The following DDX43 variants were observed in gnomAD, a reference collection of about 807,000 sequenced individuals.
DDX43 encodes probable ATP-dependent RNA helicase DDX43.
DDX43 carries 50 observed loss-of-function variants against 84.9 expected under a neutral mutation model. The observed-to-expected ratio is 0.59, with a 90% CI of 0.47 to 0.75. The LOEUF (loss-of-function observed/expected upper bound fraction) is 0.75, where lower values mean the gene tolerates loss of function less well. Ranked by LOEUF, DDX43 falls within the 30% of genes least tolerant of loss-of-function variation. DDX43 has a pLI of 0.00. For missense variants in DDX43, 689 were observed against 798.6 expected (o/e 0.86, Z 1.65); for synonymous variants, 291 against 266.3 (o/e 1.09, Z -0.90).
Position 73,412,638 on chromosome 6 carries a change from A to AGTGTGTGTGT in DDX43, c.1368+368_1368+377dup, listed in dbSNP as rs66577187. 2.8e-3 allele frequency among the ~76,000 whole-genome samples: 169 copies of AGTGTGTGTGT among 59,678 alleles called. 3 individuals carry two copies. Among genetic ancestry groups the AGTGTGTGTGT allele is most frequent in the South Asian group, 0.013 (21 of 1,624 alleles). 39.2% of individuals were successfully genotyped at this position (59,678 alleles called of 152,430 possible). A position where few individuals can be genotyped will look rare whatever the true frequency, so the allele number is the denominator to read the frequency against. ...CTGGGTTCAAGTGATATATATATAT[A>AGTGTGTGTGT]GTGTGTGTGTGTGTGTGTGTGTGTG... On this transcript the variant is annotated intron_variant, in intron 11 of 16. Transcript: ENST00000370336.
At chr6:73,402,126 C>A in intron 4 of DDX43, 136 bp downstream of exon 4, 1 of 1,092,812 alleles carries the variant, frequency 9.2e-7, no homozygotes, top group Non-Finnish European at 1.3e-6. Flanking sequence ...TGCAATTAGT[C>A]CCTAGGTTAT....
chr6:73,413,413 A>C, intron 11 of DDX43: 1 of 276,252 alleles, frequency 3.6e-6, no homozygotes, highest in Non-Finnish European at 6.8e-6. Flanking sequence ...AAATAAATGA[A>C]ATAAAATGAT....
At chr6:73,395,617 T>TAAAAA (rs760280152) in intron 1 of DDX43, among the ~76,000 whole-genome samples, 1 of 133,620 alleles carries the variant, frequency 7.5e-6, no homozygotes, top group African/African-American at 2.7e-5. Context: ...CCGTCTCAAT[T>TAAAAA]AAAAAAAAAA....
Position 73,415,526 on chromosome 6 carries a change from C to T in DDX43, c.1775C>T (p.Thr592Ile). ...GRTGVSITTL[T>I]RNDWRVASEL... ...ACTGGTGTTTCCATTACAACTTTGA[C>T]TAGAAATGATTGGAGGGTTGCCTCT... is the stretch of plus-strand genomic sequence containing the variant. The change falls in exon 15 of 17, where the codon ACT becomes ATT. Residue 592 changes from threonine to isoleucine, a missense_variant. This residue lies in a region of DDX43 where 552 missense variants were observed against 692.7 expected (regional missense o/e 0.80). Coordinates refer to ENST00000370336, the MANE Select transcript of DDX43 (RefSeq NM_018665.3). 1 of 1,613,270 alleles carries T rather than the reference C, an allele frequency of 6.2e-7. No individual in the cohort carries two copies. The highest frequency in any genetic ancestry group is 8.5e-7 in the Non-Finnish European group (1 of 1,179,464).
At chr6:73,402,104 A>C in intron 4 of DDX43, 114 bp downstream of exon 4, 1 of 1,366,320 alleles carries the variant, frequency 7.3e-7, no homozygotes, top group Non-Finnish European at 1.0e-6. Context: ...AAAATAGTAA[A>C]ATCTAAAATG....
chr6:73,415,451 A>G (rs1769883901), intron 14 of DDX43, 46 bp from the exon 15 acceptor site: 15 of 1,355,184 alleles, frequency 1.1e-5, no homozygotes, highest in Non-Finnish European at 1.5e-5. Context: ...CTTATTCTGT[A>G]TTAACTGAAT....
chr6:73,397,614 G>T, intron 1 of DDX43, 75 bp from the exon 2 acceptor site: 1 of 1,199,552 alleles, frequency 8.3e-7, no homozygotes, highest in Non-Finnish European at 1.2e-6. Flanking sequence ...GAGAATGTTT[G>T]TTGAGGAAAA....
At chr6:73,398,008 T>A (rs1011651266) in intron 2 of DDX43, 29 of 261,268 alleles carry the variant, frequency 1.1e-4, no homozygotes, top group Admixed American at 2.0e-4. Flanking sequence ...GACGGGGTTT[T>A]ACCGTGTTGG....
chr6:73,404,627 T>C, intron 4 of DDX43, 63 bp from the exon 5 acceptor site: 1 of 1,198,718 alleles, frequency 8.3e-7, no homozygotes, highest in Non-Finnish European at 1.2e-6. Flanking sequence ...TTTCTGTAGC[T>C]TTGACTAAGT....
chr6:73,416,724 A>C (rs1272995383), intron 16 of DDX43, among the ~76,000 whole-genome samples: 2 of 152,206 alleles, frequency 1.3e-5, no homozygotes, highest in Non-Finnish European at 2.9e-5. Context: ...ATTGTTTGGT[A>C]GAGAGTTTTT....
At chr6:73,414,109 G>C (rs528947760) in intron 13 of DDX43, 30 bp downstream of exon 13, 1 of 1,384,610 alleles carries the variant, frequency 7.2e-7, no homozygotes, top group East Asian at 2.3e-5. Flanking sequence ...ATTTCATACA[G>C]TTTAAAATTA....
rs1360649582 is a variant in DDX43 at position 73,415,598 on chromosome 6, A to G, written c.1833+14A>G. 1.3e-6 allele frequency: 2 copies of G among 1,566,528 alleles called. No homozygotes were observed. Among genetic ancestry groups the G allele is most frequent in the African/African-American group, 1.4e-5 (1 of 73,600 alleles). ...AGAGCAAATCAGGTGAGACTATGCA[A>G]TTCATTAGAAATCTACCTGTTATCA... On this transcript the variant is annotated intron_variant, in intron 15 of 16. Coordinates refer to ENST00000370336, the MANE Select transcript of DDX43 (RefSeq NM_018665.3).
intron 10 of DDX43, among the ~76,000 whole-genome samples, chr6:73,411,732 T>C (rs1232508973): frequency 6.6e-6 from 1 of 152,046 alleles, no homozygotes; most frequent in Non-Finnish European, 1.5e-5. Context: ...AGTTTCGCTT[T>C]TGTTGCGGTG....
intron 15 of DDX43, among the ~76,000 whole-genome samples, chr6:73,415,901 T>C (rs1316813781): frequency 6.6e-6 from 1 of 152,168 alleles, no homozygotes; most frequent in Non-Finnish European, 1.5e-5. Context: ...TAGAAAATGC[T>C]ACCATATAAA....
At chr6:73,407,424 C>A in intron 7 of DDX43, 81 bp from the exon 8 acceptor site, 2 of 1,009,714 alleles carry the variant, frequency 2.0e-6, no homozygotes, top group Non-Finnish European at 3.1e-6. Flanking sequence ...TGGCTTGTTG[C>A]TACAAATCTT....
intron 14 of DDX43, among the ~76,000 whole-genome samples, chr6:73,415,038 C>T (rs1769875325): frequency 6.6e-6 from 1 of 152,168 alleles, no homozygotes; most frequent in South Asian, 2.1e-4. Context: ...TGGCTTACGT[C>T]TGTAATCCTA....
chr6:73,394,932 G>C lies in DDX43; in HGVS notation c.27G>C (p.Lys9Asn). 6.2e-7 allele frequency: 1 copy of C among 1,614,262 alleles called. No individual in the cohort carries two copies. Among genetic ancestry groups the C allele is most frequent in the South Asian group, 1.1e-5 (1 of 91,088 alleles). The change falls in exon 1 of 17, where the codon AAG (lysine) becomes AAC (asparagine). Residue 9 changes from lysine to asparagine, a missense_variant. Lys to Asn is a moderately conservative substitution (Grantham distance 94, BLOSUM62 0). Coordinates refer to ENST00000370336, the MANE Select transcript of DDX43 (RefSeq NM_018665.3). ...TGTCCCACCACGGAGGAGCTCCCAA[G>C]GCCTCTACGTGGGTCGTTGCTAGTC... The part of the protein sequence containing the change: MSHHGGAP[K>N]ASTWVVASRR...
intron 3 of DDX43, among the ~76,000 whole-genome samples, chr6:73,401,064 A>G (rs1769560005): frequency 6.6e-6 from 1 of 151,950 alleles, no homozygotes; most frequent in Non-Finnish European, 1.5e-5. Flanking sequence ...TATAGCCTTG[A>G]CCTCCTGGGC....
chr6:73,412,882 A>G (rs1019564049), intron 11 of DDX43, among the ~76,000 whole-genome samples: 3 of 151,914 alleles, frequency 2.0e-5, no homozygotes, highest in Admixed American at 6.6e-5. Context: ...AAACATGGCT[A>G]CTACTCCTGG....
Sources: allele counts gnomAD v4.1 joint callset (sites outside exome capture counted in the v4.1 genomes callset), GRCh38; gene constraint gnomAD v4.1.1; regional missense constraint gnomAD v4.1.1; transcripts MANE v1.5; gene names NCBI Gene and HGNC (gene_info 2026-07-23, HGNC 2026-07-21).